The following NUP107 variants were observed in gnomAD, a reference collection of about 807,000 sequenced individuals.
NUP107 encodes nucleoporin 107, also known as nuclear pore complex protein Nup107.
In NUP107, 101 loss-of-function variants were observed where a neutral mutation model predicts 141.0. The ratio of observed to expected loss-of-function variants is 0.72; its 90% CI spans 0.61 to 0.84. The LOEUF (loss-of-function observed/expected upper bound fraction) is 0.84. Among genes scored for constraint, NUP107 ranks in the 40% least tolerant of loss-of-function variants. NUP107 has a pLI of 0.00. For synonymous variants in NUP107, 319 were observed against 363.9 expected (o/e 0.88, Z 1.41); for missense variants, 941 against 1,102.7 (o/e 0.85, Z 2.08).
chr12:68,714,861 G>A (rs1039731487), intron 11 of NUP107, among the ~76,000 whole-genome samples: 5 of 152,176 alleles, frequency 3.3e-5, no homozygotes, highest in African/African-American at 1.2e-4. Flanking sequence ...TCCCAAAATA[G>A]GTCTTAATAG....
chr12:68,734,911 C>T, intron 25 of NUP107, 78 bp downstream of exon 25: 2 of 1,445,966 alleles, frequency 1.4e-6, no homozygotes, highest in South Asian at 1.3e-5. Context: ...ATCGTTTCTT[C>T]AGCAACTATC....
At chr12:68,690,494 A>G (rs1204805254) in intron 3 of NUP107, 137 bp from the exon 4 acceptor site, 1 of 1,083,856 alleles carries the variant, frequency 9.2e-7, no homozygotes, top group Non-Finnish European at 1.3e-6. Flanking sequence ...AAATGTTAAC[A>G]TTTAAAGTAT....
chr12:68,687,122 T>C, intron 1 of NUP107, 49 bp downstream of exon 1: 1 of 1,612,496 alleles, frequency 6.2e-7, no homozygotes, highest in African/African-American at 1.3e-5. Flanking sequence ...CCGTCTCGCC[T>C]GTTGGCGAAA....
chr12:68,704,739 G>GCCA (rs578068142), intron 8 of NUP107, among the ~76,000 whole-genome samples: 7 of 152,000 alleles, frequency 4.6e-5, no homozygotes, highest in Non-Finnish European at 8.8e-5. Flanking sequence ...ACAGACGTGA[G>GCCA]CCACCGTGCC....
chr12:68,692,443 G>A lies in NUP107; in HGVS notation c.448+331G>A, dbSNP rs191818070. ...AAAATACAAAAATTAGTTGGGTATG[G>A]TGGTGCACACCTGTAATCCCAGCTA... is the stretch of plus-strand genomic sequence containing the variant. On this transcript the variant is annotated intron_variant, in intron 5 of 27. Transcript: ENST00000229179. Among the ~76,000 whole-genome samples, 6 of 152,136 alleles carry A rather than the reference G, an allele frequency of 3.9e-5. No individual in the cohort carries two copies. In the East Asian group the frequency reaches 9.7e-4, roughly 25 times the overall value.
intron 24 of NUP107, 57 bp downstream of exon 24, chr12:68,733,669 ACT>A (rs1877942760): frequency 2.6e-6 from 4 of 1,542,084 alleles, no homozygotes; most frequent in Non-Finnish European, 2.6e-6. Flanking sequence ...TTTCGGATTC[ACT>A]CTCAGAGTTT....
intron 3 of NUP107, 89 bp downstream of exon 3, chr12:68,689,708 G>A: frequency 1.2e-6 from 1 of 830,152 alleles, no homozygotes; most frequent in Non-Finnish European, 2.0e-6. Context: ...TATAGTATTT[G>A]GTTACGATAT....
intron 17 of NUP107, 77 bp from the exon 18 acceptor site, chr12:68,725,650 T>G: frequency 1.3e-6 from 1 of 742,408 alleles, no homozygotes. Context: ...AAGTTTAACA[T>G]TTTTAGTTTA....
rs1429785486 is a variant in NUP107 at position 68,716,672 on chromosome 12, T to G, written c.1083+932T>G. Among the ~76,000 whole-genome samples the G allele has an allele frequency of 2.0e-5, 3 of 152,214 alleles. No individual in the cohort carries two copies. In the East Asian group the frequency reaches 5.8e-4, roughly 29 times the overall value. ...TAACCTTACCTTTTAAAAATGTGGG[T>G]GATAGTTAATATCTTATATGTAGAA... On this transcript the variant is annotated intron_variant, in intron 12 of 27. Coordinates refer to ENST00000229179, the MANE Select transcript of NUP107 (RefSeq NM_020401.4).
chr12:68,726,859 T>A (rs1407113910), intron 19 of NUP107, among the ~76,000 whole-genome samples: 1 of 152,216 alleles, frequency 6.6e-6, no homozygotes, highest in African/African-American at 2.4e-5. Context: ...AACTTTATCC[T>A]TGTCTGTACC....
intron 21 of NUP107, among the ~76,000 whole-genome samples, 167 bp from the exon 22 acceptor site, chr12:68,731,440 A>C (rs1031811268): frequency 1.3e-5 from 2 of 152,198 alleles, no homozygotes; most frequent in African/African-American, 4.8e-5. Context: ...CATATGTAAA[A>C]TATCTTTTAA....
chr12:68,688,666 T>C (rs1411421727), intron 1 of NUP107, among the ~76,000 whole-genome samples: 1 of 152,202 alleles, frequency 6.6e-6, no homozygotes, highest in Non-Finnish European at 1.5e-5. Context: ...AGCAATTATC[T>C]AAAACAGTGT....
chr12:68,726,826 T>A (rs1350795076), intron 19 of NUP107, among the ~76,000 whole-genome samples: 1 of 152,232 alleles, frequency 6.6e-6, no homozygotes, highest in African/African-American at 2.4e-5. Flanking sequence ...TGCTGTTGGT[T>A]AACTGGTTTT....
intron 22 of NUP107, 140 bp from the exon 23 acceptor site, chr12:68,732,497 G>T: frequency 2.0e-6 from 1 of 503,992 alleles, no homozygotes; most frequent in Non-Finnish European, 3.5e-6. Context: ...AAAGTTAGAT[G>T]CTTTCATAAT....
In NUP107 at chr12:68,732,693, G is replaced by A. The variant is rs749321749; in HGVS notation, c.2055G>A (p.Arg685=). Residue 685 remains arginine, a synonymous_variant, in exon 23 of 28, where the codon AGG becomes AGA. Coordinates refer to ENST00000229179, the MANE Select transcript of NUP107 (RefSeq NM_020401.4). ...GGTTGGTATTTGACCCAGCGCAGAG[G>A]GCAGAAGCACTGAAACAAGGCAATG... ...IDWLVFDPAQ[R]AEALKQGNAI... is the part of the protein sequence containing the mutation. The A allele has an allele frequency of 6.2e-7, 1 of 1,609,840 alleles. No individual in the cohort carries two copies. Among genetic ancestry groups the A allele is most frequent in the South Asian group, 1.1e-5 (1 of 90,814 alleles).
At chr12:68,734,442 G>T (rs1355146193) in intron 24 of NUP107, among the ~76,000 whole-genome samples, 1 of 152,196 alleles carries the variant, frequency 6.6e-6, no homozygotes, top group African/African-American at 2.4e-5. Context: ...ATGTTACAGA[G>T]CGATGAATGT....
intron 23 of NUP107, 126 bp from the exon 24 acceptor site, chr12:68,733,326 C>A: frequency 2.7e-6 from 2 of 752,670 alleles, no homozygotes; most frequent in South Asian, 2.3e-5. Context: ...AGACCTTTAA[C>A]AGAGTGCCTT....
intron 8 of NUP107, among the ~76,000 whole-genome samples, chr12:68,703,663 C>A (rs1876443714): frequency 6.6e-6 from 1 of 152,094 alleles, no homozygotes; most frequent in South Asian, 2.1e-4. Flanking sequence ...ATTGACCAGG[C>A]TGGTCTCGAT....
chr12:68,722,093 T>G lies in NUP107; in HGVS notation c.1458-11T>G. 6.2e-7 allele frequency: 1 copy of G among 1,612,852 alleles called. No homozygotes were observed. The highest frequency in any genetic ancestry group is 8.5e-7 in the Non-Finnish European group (1 of 1,179,698). On this transcript the variant is annotated splice_polypyrimidine_tract_variant and intron_variant, in intron 16 of 27. Coordinates refer to ENST00000229179, the MANE Select transcript of NUP107 (RefSeq NM_020401.4). Reference sequence around the variant, plus strand: ...ATTAACATTATTCTTTTCCCGTTGTTTCTTTTGAAGCTGGACGTTAGAAAA... The same window carrying G: ...ATTAACATTATTCTTTTCCCGTTGTGTCTTTTGAAGCTGGACGTTAGAAAA...
Sources: allele counts gnomAD v4.1 joint callset (sites outside exome capture counted in the v4.1 genomes callset), GRCh38; gene constraint gnomAD v4.1.1; transcripts MANE v1.5; gene names NCBI Gene and HGNC (gene_info 2026-07-23, HGNC 2026-07-21).